Variants in SPATA32 observed in about 807,000 individuals in gnomAD.
SPATA32 encodes spermatogenesis associated 32.
In SPATA32, 28 loss-of-function variants were observed where a neutral mutation model predicts 35.4. The ratio of observed to expected loss-of-function variants is 0.79; its 90% CI spans 0.59 to 1.09. SPATA32 has a LOEUF of 1.09. SPATA32 is among the 50% of genes least tolerant of loss of function. The pLI is 0.00. For synonymous variants in SPATA32, 168 were observed against 196.3 expected (o/e 0.86, Z 1.20); for missense variants, 409 against 475.9 (o/e 0.86, Z 1.31).
At chr17:45,259,080 ATG>A (rs772023644) in intron 1 of SPATA32, among the ~76,000 whole-genome samples, 2 of 152,070 alleles carry the variant, frequency 1.3e-5, no homozygotes, top group Non-Finnish European at 2.9e-5. Context: ...ATAGACAATA[ATG>A]TGTGTGAGTC....
intron 1 of SPATA32, chr17:45,260,116 AAAG>A (rs2043992240): frequency 6.7e-6 from 1 of 149,582 alleles, no homozygotes; most frequent in Admixed American, 6.7e-5. Flanking sequence ...AAAAAAAAAA[AAAG>A]GAGATGAGGT....
Position 45,254,605 on chromosome 17 carries a change from G to T in SPATA32, c.1068-92C>A, listed in dbSNP as rs1021072354. ...GAGGCCCCTCTGAAGAGGTCGCTGG[G>T]GGTAAGGGGTCTTCTGCTGCTGCCC... On this transcript the variant is annotated intron_variant, in intron 4 of 4. Transcript: ENST00000331780. The T allele has an allele frequency of 4.5e-6, 5 of 1,102,028 alleles. No homozygotes were observed. The Admixed American group carries it at 5.6e-5, about 12-fold the overall frequency. The allele number at this position is 1,102,028 out of a possible 1,614,324, so 68.3% of individuals were successfully genotyped here.
intron 1 of SPATA32, among the ~76,000 whole-genome samples, chr17:45,257,642 G>T (rs1451156415): frequency 6.6e-6 from 1 of 152,088 alleles, no homozygotes; most frequent in Non-Finnish European, 1.5e-5. Context: ...TTAACTCCCT[G>T]CCCCCACCGG....
Position 45,255,678 on chromosome 17 carries a change from C to T in SPATA32, c.504G>A (p.Glu168=). 1 of 1,614,072 alleles carries T rather than the reference C, an allele frequency of 6.2e-7. No individual in the cohort carries two copies. Among genetic ancestry groups the T allele is most frequent in the East Asian group, 2.2e-5 (1 of 44,886 alleles). ...TGTTGATGGCCCGCTGCAGGCTGTG[C>T]TCTGAGGCCTGGATGAGCTTGTTTG... The part of the protein sequence containing the change: ...FWANKLIQAS[E]HSLQRAINMQ... Residue 168 remains glutamate, a synonymous_variant, in exon 4 of 5, where the codon GAG becomes GAA. Coordinates refer to ENST00000331780, the MANE Select transcript of SPATA32 (RefSeq NM_152343.3). This position sits in a 1 kb window ranked among gnomAD's most constrained non-coding sequence, Gnocchi z 5.4.
chr17:45,257,198 C>A lies in SPATA32; in HGVS notation c.23G>T (p.Gly8Val). The A allele has an allele frequency of 6.2e-7, 1 of 1,611,626 alleles. No individual in the cohort carries two copies. The change falls in exon 2 of 5, where the codon GGA (glycine) becomes GTA (valine). Residue 8 changes from glycine to valine, a missense_variant. Physicochemically the swap from Gly to Val is moderately radical, Grantham distance 109. Transcript: ENST00000331780. MGVTGAH[G>V]FPCCGKGSVE... is the part of the protein sequence containing the mutation. ...TGACCCTTTGCCGCAGCATGGAAAT[C>A]CATGGGCACCTGACAGGGGAAAGGA...
intron 2 of SPATA32, 128 bp downstream of exon 2, chr17:45,257,025 C>A: frequency 9.4e-7 from 1 of 1,062,014 alleles, no homozygotes; most frequent in Non-Finnish European, 1.4e-6. Context: ...TGGACACTGG[C>A]CCCGGGGAGG....
chr17:45,255,033 C>T lies in SPATA32; in HGVS notation c.1067+82G>A, dbSNP rs1159945155. ...CCCAGGCCCTCATTCCACTGTTCCCCACCCCTACCCAGCTGTGTGAGGACC... is the reference window on the plus strand; with the variant it reads ...CCCAGGCCCTCATTCCACTGTTCCCTACCCCTACCCAGCTGTGTGAGGACC... On this transcript the variant is annotated intron_variant, in intron 4 of 4. Coordinates refer to ENST00000331780, the MANE Select transcript of SPATA32 (RefSeq NM_152343.3). The surrounding 1 kb of genome is among the most constrained non-coding windows in gnomAD (Gnocchi z 5.4). 1.9e-5 allele frequency: 26 copies of T among 1,368,676 alleles called. No homozygotes were observed. Among genetic ancestry groups the T allele is most frequent in the Middle Eastern group, 2.4e-4 (1 of 4,090 alleles). The allele number at this position is 1,368,676 out of a possible 1,614,324, so 84.8% of individuals were successfully genotyped here.
chr17:45,254,917 T>C, intron 4 of SPATA32, 198 bp downstream of exon 4: 2 of 629,366 alleles, frequency 3.2e-6, no homozygotes, highest in East Asian at 2.8e-5. Flanking sequence ...AGCCCTCGCC[T>C]TGGCTCTGCG....
At chr17:45,257,737 C>T (rs551216711) in intron 1 of SPATA32, among the ~76,000 whole-genome samples, 7 of 152,298 alleles carry the variant, frequency 4.6e-5, no homozygotes, top group Admixed American at 2.0e-4. Flanking sequence ...GCTCCTCTGC[C>T]GGCTTCCTCT....
rs764385407 is a variant in SPATA32, at chr17:45,255,863, A to C, written c.319T>G (p.Cys107Gly). Residue 107 changes from cysteine (C) to glycine (G), a missense_variant, in exon 4 of 5, where the codon TGC becomes GGC. Physicochemically the swap from Cys to Gly is radical, Grantham distance 159. Coordinates refer to ENST00000331780, the MANE Select transcript of SPATA32 (RefSeq NM_152343.3). The surrounding 1 kb of genome is among the most constrained non-coding windows in gnomAD (Gnocchi z 5.4). The stretch of plus-strand genomic sequence containing the variant: ...TTGGAGTGGACGGACTCTATCTTGC[A>C]TACCAGCTGCATGGGTTCTTCAAAG... ...SDFEEPMQLV[C>G]KIESVHSNMG... The C allele has an allele frequency of 8.7e-6, 14 of 1,614,140 alleles. No individual in the cohort carries two copies. The South Asian group carries it at 1.5e-4, about 18-fold the overall frequency.
chr17:45,259,113 C>T (rs4248914), intron 1 of SPATA32, among the ~76,000 whole-genome samples: 120,086 of 152,000 alleles, frequency 0.79, 47,984 homozygotes, highest in African/African-American at 0.91. Context: ...TACTTCTTCC[C>T]TCCCAATCTG....
At position 45,255,723 on chromosome 17, in the gene SPATA32, G is replaced by C; in HGVS notation, c.459C>G (p.Thr153=). The change falls in exon 4 of 5, where the codon ACC becomes ACG. Residue 153 remains threonine (T), a synonymous_variant. Coordinates refer to ENST00000331780, the MANE Select transcript of SPATA32 (RefSeq NM_152343.3). This position sits in a 1 kb window ranked among gnomAD's most constrained non-coding sequence, Gnocchi z 5.4. ...TGTTTGCCCAGAAGAGGTGCTTGGA[G>C]GTCTGCGCACTGATGGAGTGATGGC... ...SACHHSISAQ[T]SKHLFWANKL... The C allele has an allele frequency of 6.2e-7, 1 of 1,614,060 alleles. No homozygotes were observed. The highest frequency in any genetic ancestry group is 8.5e-7 in the Non-Finnish European group (1 of 1,179,980).
Position 45,255,771 on chromosome 17 carries a change from C to T in SPATA32, c.411G>A (p.Thr137=), listed in dbSNP as rs141019092. The T allele has an allele frequency of 2.2e-4, 353 of 1,614,030 alleles. 3 individuals are homozygous for T. In the East Asian group the frequency reaches 5.2e-3, roughly 24 times the overall value. Residue 137 remains threonine, a synonymous_variant, in exon 4 of 5, where the codon ACG becomes ACA. Coordinates refer to ENST00000331780, the MANE Select transcript of SPATA32 (RefSeq NM_152343.3). The surrounding 1 kb of genome is among the most constrained non-coding windows in gnomAD (Gnocchi z 5.4). ...GGCAGGCAGACACGTGGTTCTCCTC[C>T]GTGAAACTCCGGCAGTTTGAATTCA... is the stretch of plus-strand genomic sequence containing the variant. ...WSLNSNCRSF[T]EENHVSACHH...
rs1007711983 is a variant in SPATA32, at chr17:45,256,667, AGGAATCCAGTT to A, written c.69-263_69-253del. On this transcript the variant is annotated intron_variant, in intron 2 of 4. Coordinates refer to ENST00000331780, the MANE Select transcript of SPATA32 (RefSeq NM_152343.3). The surrounding 1 kb of genome is among the most constrained non-coding windows in gnomAD (Gnocchi z 4.7). ...GCCAACTCATGCCCCACCCCCAAAG[AGGAATCCAGTT>A]GGTTGGAGGTAAGGCCCAGGAATCT... is the stretch of plus-strand genomic sequence containing the variant. 6.6e-6 allele frequency among the ~76,000 whole-genome samples: 1 copy of A among 152,106 alleles called. No individual in the cohort carries two copies. Among genetic ancestry groups the A allele is most frequent in the African/African-American group, 2.4e-5 (1 of 41,394 alleles).
rs138053932 is a variant in SPATA32 at position 45,255,144 on chromosome 17, C to A, written c.1038G>T (p.Thr346=). Residue 346 remains threonine, a synonymous_variant, in exon 4 of 5, where the codon ACG becomes ACT. Transcript: ENST00000331780. The surrounding 1 kb of genome is among the most constrained non-coding windows in gnomAD (Gnocchi z 5.4). ...GQIQLLQPPA[T]SPLLQGSKED... ...CCTTGCTTCCCTGCAGCAGAGGGGA[C>A]GTGGCTGGTGGCTGGAGAAGCTGGA... The A allele has an allele frequency of 2.8e-5, 46 of 1,614,046 alleles. No homozygotes were observed. The highest frequency in any genetic ancestry group is 3.6e-5 in the Non-Finnish European group (42 of 1,180,032).
chr17:45,256,540 C>T lies in SPATA32; in HGVS notation c.69-125G>A. The stretch of plus-strand genomic sequence containing the variant: ...CTGGCACGATGCACCTCCCGCCGAC[C>T]ACCCCGCCACCAGCTCATCCACTCC... On this transcript the variant is annotated intron_variant, in intron 2 of 4. Transcript: ENST00000331780. This position sits in a 1 kb window ranked among gnomAD's most constrained non-coding sequence, Gnocchi z 4.7. 1 of 778,984 alleles carries T rather than the reference C, an allele frequency of 1.3e-6. No homozygotes were observed. Among genetic ancestry groups the T allele is most frequent in the South Asian group, 1.4e-5 (1 of 69,370 alleles). The allele number at this position is 778,984 out of a possible 1,614,324, so 48.3% of individuals were successfully genotyped here.
At chr17:45,261,836 G>A (rs890703609) in intron 1 of SPATA32, 168 bp downstream of exon 1, 11 of 659,976 alleles carry the variant, frequency 1.7e-5, no homozygotes, top group Admixed American at 4.3e-5. Context: ...AGGGGCACCG[G>A]GTGGGCTTTG....
rs113052603 is a variant in SPATA32, at chr17:45,256,230, C to T, written c.108+146G>A. ...GCCTGCCTCCTCTCAGAGACCTGCCCGGTGAGGGGGTGTGTGTGTGGGTGT... is the reference window on the plus strand; with the variant it reads ...GCCTGCCTCCTCTCAGAGACCTGCCTGGTGAGGGGGTGTGTGTGTGGGTGT... On this transcript the variant is annotated intron_variant, in intron 3 of 4. Transcript: ENST00000331780. The surrounding 1 kb of genome is among the most constrained non-coding windows in gnomAD (Gnocchi z 4.7). The T allele has an allele frequency of 3.4e-3, 4,164 of 1,207,838 alleles. 14 individuals are homozygous for T. The highest frequency in any genetic ancestry group is 4.0e-3 in the Non-Finnish European group (3,325 of 825,250). 74.8% of individuals were successfully genotyped at this position (1,207,838 alleles called of 1,614,324 possible). A position where few individuals can be genotyped will look rare whatever the true frequency, so the allele number is the denominator to read the frequency against.
rs55834431 is a variant in SPATA32, at chr17:45,254,688, A to G, written c.1068-175T>C. On this transcript the variant is annotated intron_variant, in intron 4 of 4. Transcript: ENST00000331780. ...CATTCACTACCAGAAAGCAAGGTGTACTGGAGAGCCCTGCACCCTCATTCT... is the reference window on the plus strand; with the variant it reads ...CATTCACTACCAGAAAGCAAGGTGTGCTGGAGAGCCCTGCACCCTCATTCT... Among the ~76,000 whole-genome samples, 1,243 of 152,246 alleles carry G rather than the reference A, an allele frequency of 8.2e-3. 14 individuals are homozygous for G. Among genetic ancestry groups the G allele is most frequent in the African/African-American group, 0.028 (1,173 of 41,532 alleles).
Sources: allele counts gnomAD v4.1 joint callset (sites outside exome capture counted in the v4.1 genomes callset), GRCh38; gene constraint gnomAD v4.1.1; non-coding constraint Gnocchi (gnomAD v3.1); transcripts MANE v1.5; gene names NCBI Gene and HGNC (gene_info 2026-07-23, HGNC 2026-07-21).